Variants in PCYOX1L observed in about 807,000 individuals in gnomAD.
PCYOX1L encodes the protein prenylcysteine oxidase 1-like.
In PCYOX1L, 40 loss-of-function variants were observed where a neutral mutation model predicts 44.1. That is an observed-to-expected ratio of 0.91 (90% CI 0.70 to 1.18). The LOEUF (loss-of-function observed/expected upper bound fraction) is 1.18, where lower values mean the gene tolerates loss of function less well. Ranked by LOEUF, PCYOX1L falls within the 50% of genes most tolerant of loss-of-function variation. The pLI is 0.00. For missense variants in PCYOX1L, 605 were observed against 653.3 expected, an observed-to-expected ratio of 0.93 and a Z score of 0.81; for synonymous variants, 266 against 282.8, an observed-to-expected ratio of 0.94 and a Z score of 0.60.
chr5:149,367,630 C>T, intron 5 of PCYOX1L, 130 bp downstream of exon 5: 15 of 1,308,966 alleles, frequency 1.1e-5, no homozygotes, highest in Non-Finnish European at 1.4e-5. Context: ...CATTGAGAAG[C>T]CCCAACCCTG....
At chr5:149,364,674 C>G in intron 3 of PCYOX1L, 1 of 155,072 alleles carries the variant, frequency 6.4e-6, no homozygotes, top group Non-Finnish European at 1.4e-5. Flanking sequence ...TGTGTGAAAT[C>G]TTTTCAGTTT....
chr5:149,362,371 T>A, intron 1 of PCYOX1L: 1 of 493,854 alleles, frequency 2.0e-6, no homozygotes. Context: ...ATCCTGACTT[T>A]CAGTATTCTT....
At chr5:149,367,545 A>G (rs1758256182) in intron 5 of PCYOX1L, 45 bp downstream of exon 5, 1 of 1,604,214 alleles carries the variant, frequency 6.2e-7, no homozygotes, top group Admixed American at 1.7e-5. Context: ...ATTCCCAGCC[A>G]GTGGACAGAC....
At position 149,368,973 on chromosome 5, in the gene PCYOX1L, C is replaced by T. The variant is rs1018910292; in HGVS notation, c.*319C>T. On this transcript the variant is annotated 3_prime_UTR_variant, in exon 6 of 6. Coordinates refer to ENST00000274569, the MANE Select transcript of PCYOX1L (RefSeq NM_024028.4). ...TTCTTAGCTAGAAACCAGAAGACTA[C>T]GGGAGGGAATATAAGGCAGAGAACT... 3.6e-5 allele frequency: 8 copies of T among 222,402 alleles called. No individual in the cohort carries two copies. The highest frequency in any genetic ancestry group is 9.8e-5 in the East Asian group (1 of 10,184). 13.8% of individuals were successfully genotyped at this position (222,402 alleles called of 1,614,324 possible).
rs78652843 is a variant in PCYOX1L, at chr5:149,360,479, A to G, written c.89-2158A>G. ...TAAGTACTGTGAGAGGAAGTGGTTT[A>G]TTCTTTCAACACAGAAAAAATACTT... On this transcript the variant is annotated intron_variant, in intron 1 of 5. Coordinates refer to ENST00000274569, the MANE Select transcript of PCYOX1L (RefSeq NM_024028.4). 7.2e-5 allele frequency among the ~76,000 whole-genome samples: 11 copies of G among 152,310 alleles called. No individual in the cohort carries two copies. The East Asian group carries it at 2.1e-3, about 29-fold the overall frequency.
At position 149,368,244 on chromosome 5, in the gene PCYOX1L, A is replaced by C; in HGVS notation, c.1075A>C (p.Ile359Leu). 1 of 1,613,962 alleles carries C rather than the reference A, an allele frequency of 6.2e-7. No individual in the cohort carries two copies. Among genetic ancestry groups the C allele is most frequent in the Middle Eastern group, 1.6e-4 (1 of 6,062 alleles). The change falls in exon 6 of 6, where the codon ATC (isoleucine) becomes CTC (leucine). Residue 359 changes from isoleucine to leucine, a missense_variant. By Grantham distance (5) the Ile-to-Leu change is conservative (BLOSUM62 2). Coordinates refer to ENST00000274569, the MANE Select transcript of PCYOX1L (RefSeq NM_024028.4). Reference sequence around the variant, plus strand: ...CCCTAAGCTTTTCCCCTTTGCCAACATCCTTACCACAGATTTCCCCAGCTT... The same window carrying C: ...CCCTAAGCTTTTCCCCTTTGCCAACCTCCTTACCACAGATTTCCCCAGCTT... ...PDPKLFPFAN[I>L]LTTDFPSFFC...
intron 4 of PCYOX1L, 41 bp downstream of exon 4, chr5:149,366,194 C>T (rs1275054295): frequency 6.3e-7 from 1 of 1,591,982 alleles, no homozygotes; most frequent in South Asian, 1.1e-5. Context: ...GCCCCTCCTC[C>T]ACCCAAGGTG....
chr5:149,358,081 GC>G lies in PCYOX1L; in HGVS notation c.17del (p.Pro6ArgfsTer6). On this transcript the variant is annotated frameshift_variant, in exon 1 of 6. Transcript: ENST00000274569. LOFTEE classifies it high-confidence loss of function. Reference protein sequence around the residue: MARAAPLLAALTALL... With the variant: MARAXPLLAALTALL... ...CTCGCCGCCCGCCATGGCCCGCGCA[GC>G]CCCGCTGCTCGCCGCGTTGACCGCG... The G allele has an allele frequency of 1.4e-6, 2 of 1,422,646 alleles. No homozygotes were observed. The highest frequency in any genetic ancestry group is 1.8e-6 in the Non-Finnish European group (2 of 1,089,684). The allele number at this position is 1,422,646 out of a possible 1,614,324, so 88.1% of individuals were successfully genotyped here. A position where few individuals can be genotyped will look rare whatever the true frequency, so the allele number is the denominator to read the frequency against.
chr5:149,368,324 A>C lies in PCYOX1L; in HGVS notation c.1155A>C (p.Arg385=). 1 of 1,614,224 alleles carries C rather than the reference A, an allele frequency of 6.2e-7. No individual in the cohort carries two copies. The highest frequency in any genetic ancestry group is 8.5e-7 in the Non-Finnish European group (1 of 1,180,048). Residue 385 remains arginine (R), a synonymous_variant, in exon 6 of 6, where the codon CGA becomes CGC. Coordinates refer to ENST00000274569, the MANE Select transcript of PCYOX1L (RefSeq NM_024028.4). ...TCAACATCTCTGCCAGCTTCCGGCGAAAGCAGCCCCAGGAGGCAGCTGTTT... is the reference window on the plus strand; with the variant it reads ...TCAACATCTCTGCCAGCTTCCGGCGCAAGCAGCCCCAGGAGGCAGCTGTTT... ...CPVNISASFR[R]KQPQEAAVWR...
chr5:149,366,640 T>A (rs1758218320), intron 4 of PCYOX1L, among the ~76,000 whole-genome samples: 1 of 152,242 alleles, frequency 6.6e-6, no homozygotes, highest in African/African-American at 2.4e-5. Flanking sequence ...TGTTCCCTGA[T>A]ACATTGCAAA....
chr5:149,365,942 G>A lies in PCYOX1L; in HGVS notation c.471G>A (p.Arg157=), dbSNP rs1182574668. The A allele has an allele frequency of 3.1e-6, 5 of 1,614,140 alleles. No homozygotes were observed. The highest frequency in any genetic ancestry group is 1.1e-5 in the South Asian group (1 of 91,064). ...WVEEVMEKFM[R]IYKYQAHGYA... ...GACTCCAGCTCTATGTGTCTTCTAG[G>A]ATCTATAAGTACCAGGCCCACGGCT... The change falls in exon 4 of 6, where the codon AGG becomes AGA. Residue 157 remains arginine, a splice_region_variant and synonymous_variant. Coordinates refer to ENST00000274569, the MANE Select transcript of PCYOX1L (RefSeq NM_024028.4).
At chr5:149,364,337 T>C in intron 3 of PCYOX1L, 127 bp downstream of exon 3, 1 of 1,187,314 alleles carries the variant, frequency 8.4e-7, no homozygotes, top group Non-Finnish European at 1.2e-6. Context: ...CACAATTCAG[T>C]GCAGGCTCAG....
rs367643968 is a variant in PCYOX1L at position 149,368,366 on chromosome 5, C to T, written c.1197C>T (p.Pro399=). ...QEAAVWRVQS[P]KPLFRTQLKT... is the part of the protein sequence containing the mutation. Reference sequence around the variant, plus strand: ...CAGCTGTTTGGCGAGTCCAGTCCCCCAAGCCCCTCTTTCGGACCCAGCTAA... The same window carrying T: ...CAGCTGTTTGGCGAGTCCAGTCCCCTAAGCCCCTCTTTCGGACCCAGCTAA... Residue 399 remains proline, a synonymous_variant, in exon 6 of 6, where the codon CCC becomes CCT. Coordinates refer to ENST00000274569, the MANE Select transcript of PCYOX1L (RefSeq NM_024028.4). 2.5e-6 allele frequency: 4 copies of T among 1,614,092 alleles called. No individual in the cohort carries two copies. The African/African-American group carries it at 4.0e-5, about 16-fold the overall frequency.
rs1017620436 is a variant in PCYOX1L, at chr5:149,358,143, G to A, written c.75G>A (p.Pro25=). The part of the protein sequence containing the change: ...LAAAAAGGDA[P]PGKIAVVGAG... ...CCGCCGCTGCTGGCGGAGATGCCCCGCCGGGCAAAATCGGTGCGGGAAGGA... is the reference window on the plus strand; with the variant it reads ...CCGCCGCTGCTGGCGGAGATGCCCCACCGGGCAAAATCGGTGCGGGAAGGA... Residue 25 remains proline, a synonymous_variant, in exon 1 of 6, where the codon CCG becomes CCA. Coordinates refer to ENST00000274569, the MANE Select transcript of PCYOX1L (RefSeq NM_024028.4). 2.7e-6 allele frequency: 4 copies of A among 1,458,222 alleles called. No individual in the cohort carries two copies. The highest frequency in any genetic ancestry group is 2.4e-5 in the Admixed American group (1 of 40,866). The allele number at this position is 1,458,222 out of a possible 1,614,324, so 90.3% of individuals were successfully genotyped here.
At position 149,362,746 on chromosome 5, in the gene PCYOX1L, C is replaced by T. The variant is rs1368445619; in HGVS notation, c.198C>T (p.Arg66=). 1.2e-6 allele frequency: 2 copies of T among 1,614,076 alleles called. No individual in the cohort carries two copies. Among genetic ancestry groups the T allele is most frequent in the Non-Finnish European group, 1.7e-6 (2 of 1,180,052 alleles). ...DVYEKGTVGG[R]LATISVNKQH... Reference sequence around the variant, plus strand: ...ACGAGAAGGGAACCGTGGGTGGCCGCTTGGCCACCATCTCAGTCAACAAGC... The same window carrying T: ...ACGAGAAGGGAACCGTGGGTGGCCGTTTGGCCACCATCTCAGTCAACAAGC... The change falls in exon 2 of 6, where the codon CGC becomes CGT. Residue 66 remains arginine (R), a synonymous_variant. Coordinates refer to ENST00000274569, the MANE Select transcript of PCYOX1L (RefSeq NM_024028.4).
At chr5:149,365,424 G>A (rs1207882880) in intron 3 of PCYOX1L, 1 of 163,630 alleles carries the variant, frequency 6.1e-6, no homozygotes, top group African/African-American at 2.4e-5. Flanking sequence ...GAGATTGCAT[G>A]AGTGATAGAG....
intron 1 of PCYOX1L, 27 bp from the exon 2 acceptor site, chr5:149,362,602 CTCTCTTCT>C (rs1561700570): frequency 1.2e-6 from 2 of 1,610,450 alleles, no homozygotes; most frequent in Non-Finnish European, 1.7e-6. Flanking sequence ...CATGTTCTGT[CTCTCTTCT>C]TCCCTACCTC....
rs367723985 is a variant in PCYOX1L at position 149,366,095 on chromosome 5, C to T, written c.624C>T (p.Val208=). The T allele has an allele frequency of 1.6e-5, 26 of 1,613,980 alleles. No homozygotes were observed. The African/African-American group carries it at 2.5e-4, about 16-fold the overall frequency. Residue 208 remains valine, a synonymous_variant, in exon 4 of 6, where the codon GTC becomes GTT. Transcript: ENST00000274569. ...VGVTQRFIDD[V]VSAVLRASYG... ...TCACGCAGCGCTTTATTGATGATGT[C>T]GTTTCTGCTGTCCTGCGGGCCAGCT...
At chr5:149,358,192 A>T in intron 1 of PCYOX1L, 36 bp downstream of exon 1, 3 of 1,408,248 alleles carry the variant, frequency 2.1e-6, no homozygotes, top group Non-Finnish European at 2.8e-6. Flanking sequence ...CCAGCTGGGG[A>T]GGGCCGGCGG....
Sources: allele counts gnomAD v4.1 joint callset (sites outside exome capture counted in the v4.1 genomes callset), GRCh38; gene constraint gnomAD v4.1.1; transcripts MANE v1.5; gene names NCBI Gene and HGNC (gene_info 2026-07-23, HGNC 2026-07-21).